Variants in MAGI2 observed in about 807,000 individuals in gnomAD.
MAGI2 encodes the protein membrane associated guanylate kinase, WW and PDZ domain containing 2, also known as membrane-associated guanylate kinase, WW and PDZ domain-containing protein 2.
Under a neutral mutation model 133.3 loss-of-function variants are expected in MAGI2, and 35 were observed. That is an observed-to-expected ratio of 0.26 (90% CI 0.20 to 0.35). MAGI2 has a LOEUF of 0.35. Among genes scored for constraint, MAGI2 ranks in the 10% least tolerant of loss-of-function variants. The probability of loss-of-function intolerance (pLI) is 1.00; values close to 1 mark genes in which losing one functional copy is unlikely to be tolerated. For synonymous variants in MAGI2, 729 were observed against 710.6 expected (o/e 1.03, Z -0.41); for missense variants, 1,636 against 1,863.4 (o/e 0.88, Z 2.25).
At chr7:79,013,418 G>A (rs1808380858) in intron 1 of MAGI2, among the ~76,000 whole-genome samples, 1 of 152,156 alleles carries the variant, frequency 6.6e-6, no homozygotes, top group Non-Finnish European at 1.5e-5. Context: ...CCCATATGCT[G>A]TAAGATATTT....
intron 2 of MAGI2, among the ~76,000 whole-genome samples, chr7:78,952,843 G>C (rs1211391912): frequency 2.6e-5 from 4 of 152,156 alleles, no homozygotes; most frequent in African/African-American, 9.7e-5. Context: ...TAACAGGAAG[G>C]GGTCATCCAA....
At chr7:78,931,059 AGT>A (rs1455496273) in intron 2 of MAGI2, among the ~76,000 whole-genome samples, 2 of 152,136 alleles carry the variant, frequency 1.3e-5, no homozygotes, top group Non-Finnish European at 2.9e-5. Flanking sequence ...ACGCAGAAGC[AGT>A]GACAGATTAG....
At chr7:78,444,437 A>T (rs1787928513) in intron 6 of MAGI2, among the ~76,000 whole-genome samples, 1 of 152,028 alleles carries the variant, frequency 6.6e-6, no homozygotes, top group Non-Finnish European at 1.5e-5. Flanking sequence ...GGTGAAAGAA[A>T]CCCACACTCA....
rs749690483 is a variant in MAGI2 at position 78,501,686 on chromosome 7, G to C, written c.856C>G (p.Gln286Glu). 4.3e-6 allele frequency: 7 copies of C among 1,613,940 alleles called. No individual in the cohort carries two copies. In the Admixed American group the frequency reaches 1.2e-4, roughly 27 times the overall value. The part of the protein sequence containing the change: ...VYSQPEELKE[Q>E]MDDTKPTKPE... ...TTAGTTGGCTTTGTGTCATCCATCT[G>C]CTCCTTCAGCTCCTCAGGCTGACTG... Residue 286 changes from glutamine to glutamate, a missense_variant, in exon 5 of 22, where the codon CAG (glutamine) becomes GAG (glutamate). This residue lies in a region of MAGI2 where 165 missense variants were observed against 128.4 expected (regional missense o/e 1.28). Transcript: ENST00000354212.
chr7:78,786,613 G>A (rs986914621), intron 2 of MAGI2, among the ~76,000 whole-genome samples: 3 of 152,080 alleles, frequency 2.0e-5, no homozygotes, highest in Non-Finnish European at 4.4e-5. Context: ...TGTGTTTGAC[G>A]GCCCTCTGCC....
At chr7:78,702,337 A>G (rs996278761) in intron 2 of MAGI2, among the ~76,000 whole-genome samples, 15 of 152,012 alleles carry the variant, frequency 9.9e-5, no homozygotes, top group African/African-American at 3.6e-4. Flanking sequence ...GACTTAAGTA[A>G]TAACTTCTAA....
chr7:79,337,223 A>T (rs1840499321), intron 1 of MAGI2, among the ~76,000 whole-genome samples: 1 of 152,160 alleles, frequency 6.6e-6, no homozygotes, highest in East Asian at 1.9e-4. Context: ...AGTTCACTTT[A>T]TTTGAATTTA....
chr7:78,387,142 T>C (rs1024110799), intron 6 of MAGI2, among the ~76,000 whole-genome samples: 1 of 152,212 alleles, frequency 6.6e-6, no homozygotes, highest in Non-Finnish European at 1.5e-5. Flanking sequence ...TTCTCCTATT[T>C]AAGCAGACAT....
rs188176095 is a variant in MAGI2, at chr7:78,704,068, C to T, written c.419-76829G>A. Among the ~76,000 whole-genome samples, 3 of 152,176 alleles carry T rather than the reference C, an allele frequency of 2.0e-5. No homozygotes were observed. In the East Asian group the frequency reaches 5.8e-4, roughly 29 times the overall value. ...CAATTGCAACAGAAACAAAAATTGA[C>T]AAATAGGACCTAATTAAACTAAAGA... On this transcript the variant is annotated intron_variant, in intron 2 of 21. Transcript: ENST00000354212.
intron 6 of MAGI2, among the ~76,000 whole-genome samples, chr7:78,436,435 T>C (rs564913745): frequency 2.3e-4 from 35 of 152,250 alleles, no homozygotes; most frequent in African/African-American, 7.9e-4. Context: ...AACTTTCAAT[T>C]CTACCTGGAA....
At chr7:78,624,290 T>C (rs753988614) in intron 3 of MAGI2, among the ~76,000 whole-genome samples, 1 of 152,200 alleles carries the variant, frequency 6.6e-6, no homozygotes, top group Non-Finnish European at 1.5e-5. Context: ...GATAGCTTCT[T>C]TGGCTGTGCA....
intron 2 of MAGI2, among the ~76,000 whole-genome samples, chr7:78,893,735 G>A (rs1375589111): frequency 6.6e-6 from 1 of 152,068 alleles, no homozygotes; most frequent in African/African-American, 2.4e-5. Flanking sequence ...TTGTGGGTTG[G>A]GGGCGGGGGA....
At chr7:78,162,421 A>AG (rs1825138003) in intron 15 of MAGI2, among the ~76,000 whole-genome samples, 1 of 149,328 alleles carries the variant, frequency 6.7e-6, no homozygotes, top group African/African-American at 2.5e-5. Context: ...GCTACTCGGG[A>AG]GGCTGAGGCA....
intron 4 of MAGI2, among the ~76,000 whole-genome samples, chr7:78,519,941 T>G (rs1191926749): frequency 6.6e-6 from 1 of 152,222 alleles, no homozygotes; most frequent in Admixed American, 6.5e-5. Context: ...GAAAACGATG[T>G]ACTATCGATG....
At chr7:78,138,374 G>GA (rs1822382240) in intron 16 of MAGI2, among the ~76,000 whole-genome samples, 2 of 152,120 alleles carry the variant, frequency 1.3e-5, no homozygotes, top group Non-Finnish European at 2.9e-5. Context: ...AAGAGGAGAG[G>GA]AAATTGGACA....
At chr7:79,265,758 TG>T (rs1418761053) in intron 1 of MAGI2, among the ~76,000 whole-genome samples, 1 of 152,084 alleles carries the variant, frequency 6.6e-6, no homozygotes, top group East Asian at 1.9e-4. Context: ...CACTGGGTGA[TG>T]GGGGAAGGCA....
chr7:79,029,516 C>T (rs1810358223), intron 1 of MAGI2, among the ~76,000 whole-genome samples: 1 of 151,978 alleles, frequency 6.6e-6, no homozygotes, highest in African/African-American at 2.4e-5. Context: ...TTTTTTTATT[C>T]TACCTTCAAA....
chr7:78,051,229 T>G (rs1029660574), intron 21 of MAGI2, among the ~76,000 whole-genome samples: 3 of 152,160 alleles, frequency 2.0e-5, no homozygotes, highest in Admixed American at 2.0e-4. Context: ...TAATTGCTCT[T>G]CCCCAAAGAA....
chr7:79,181,950 A>G (rs1826658881), intron 1 of MAGI2, among the ~76,000 whole-genome samples: 1 of 151,980 alleles, frequency 6.6e-6, no homozygotes, highest in East Asian at 1.9e-4. Context: ...CCAGTTTTCA[A>G]CAAGTTCCTC....
Sources: gnomAD v4.1 joint callset for allele counts (sites outside exome capture counted in the v4.1 genomes callset) on GRCh38, gnomAD v4.1.1 for gene constraint, gnomAD v4.1.1 regional missense constraint, MANE v1.5 for transcripts, NCBI Gene and HGNC (gene_info 2026-07-23, HGNC 2026-07-21) for gene names.